Variants in FBXL7 observed in about 807,000 individuals in gnomAD.
FBXL7 encodes the protein F-box/LRR-repeat protein 7.
FBXL7 carries 12 observed loss-of-function variants against 38.3 expected under a neutral mutation model. That is an observed-to-expected ratio of 0.31 (90% CI 0.20 to 0.51). The LOEUF is 0.51. FBXL7 is among the 20% of genes least tolerant of loss of function. The probability of loss-of-function intolerance (pLI) is 0.98; values close to 1 mark genes in which losing one functional copy is unlikely to be tolerated. For missense variants in FBXL7, 567 were observed against 676.4 expected, an observed-to-expected ratio of 0.84 and a Z score of 1.79; for synonymous variants, 297 against 300.9, an observed-to-expected ratio of 0.99 and a Z score of 0.13.
At chr5:15,855,956 TA>T (rs963656504) in intron 2 of FBXL7, among the ~76,000 whole-genome samples, 1 of 152,166 alleles carries the variant, frequency 6.6e-6, no homozygotes, top group African/African-American at 2.4e-5. Context: ...AAGAAAAACT[TA>T]ACAGCTTTTT....
chr5:15,682,362 A>C (rs767151896), intron 2 of FBXL7, among the ~76,000 whole-genome samples: 2 of 152,198 alleles, frequency 1.3e-5, no homozygotes, highest in African/African-American at 2.4e-5. Flanking sequence ...GAGGCTAGGA[A>C]ATGTGGCCTT....
chr5:15,677,430 G>A (rs1431975084), intron 2 of FBXL7, among the ~76,000 whole-genome samples: 4 of 151,464 alleles, frequency 2.6e-5, no homozygotes, highest in Non-Finnish European at 5.9e-5. Flanking sequence ...TCGCACCATT[G>A]CACTCCAGCC....
chr5:15,678,676 T>G (rs918475239), intron 2 of FBXL7, among the ~76,000 whole-genome samples: 3 of 152,208 alleles, frequency 2.0e-5, no homozygotes, highest in African/African-American at 7.2e-5. Flanking sequence ...TCCCCCATAC[T>G]GTTCTCATGG....
At chr5:15,670,190 A>G (rs1265424750) in intron 2 of FBXL7, among the ~76,000 whole-genome samples, 3 of 152,222 alleles carry the variant, frequency 2.0e-5, no homozygotes, top group Non-Finnish European at 4.4e-5. Flanking sequence ...ATCAACTGCA[A>G]CAGAAAAAGT....
rs375065747 is a variant in FBXL7, at chr5:15,505,121, C to T, written c.37+4408C>T. On this transcript the variant is annotated intron_variant, in intron 1 of 3. Coordinates refer to ENST00000504595, the MANE Select transcript of FBXL7 (RefSeq NM_012304.5). Reference sequence around the variant, plus strand: ...CTGAGAGCATAAATCTTCACAAATCCATCGCCACCTCAGGAAACATATCTT... The same window carrying T: ...CTGAGAGCATAAATCTTCACAAATCTATCGCCACCTCAGGAAACATATCTT... 8.5e-5 allele frequency among the ~76,000 whole-genome samples: 13 copies of T among 152,266 alleles called. No individual in the cohort carries two copies. The East Asian group carries it at 1.4e-3, about 16-fold the overall frequency.
At chr5:15,849,740 T>A (rs184726695) in intron 2 of FBXL7, among the ~76,000 whole-genome samples, 2,741 of 152,316 alleles carry the variant, frequency 0.018, 40 homozygotes, top group Middle Eastern at 0.048. Context: ...AAAATGCAAA[T>A]TTTCATGTTT....
chr5:15,928,420 T>C lies in FBXL7; in HGVS notation c.658T>C (p.Ser220Pro). 1 of 1,614,044 alleles carries C rather than the reference T, an allele frequency of 6.2e-7. No homozygotes were observed. Residue 220 changes from serine (S) to proline (P), a missense_variant, in exon 3 of 4, where the codon TCA becomes CCA. Transcript: ENST00000504595. This position sits in a 1 kb window ranked among gnomAD's most constrained non-coding sequence, Gnocchi z 4.0. ...CCPELRRLEV[S>P]GCYNISNEAV... Reference sequence around the variant, plus strand: ...CCCCGAACTGAGGCGACTGGAAGTCTCAGGCTGTTACAATATCTCCAACGA... The same window carrying C: ...CCCCGAACTGAGGCGACTGGAAGTCCCAGGCTGTTACAATATCTCCAACGA...
chr5:15,698,803 G>A (rs1402523479), intron 2 of FBXL7, among the ~76,000 whole-genome samples: 4 of 152,164 alleles, frequency 2.6e-5, no homozygotes, highest in African/African-American at 4.8e-5. Flanking sequence ...TAGCTTAAAT[G>A]ACGCTTAGTT....
intron 2 of FBXL7, among the ~76,000 whole-genome samples, chr5:15,875,542 T>G (rs1740163436): frequency 6.6e-6 from 1 of 151,890 alleles, no homozygotes; most frequent in Admixed American, 6.6e-5. Context: ...ACAAGGAACT[T>G]AAGCAAATTT....
rs187913269 is a variant in FBXL7 at position 15,694,598 on chromosome 5, G to A, written c.127+78526G>A. On this transcript the variant is annotated intron_variant, in intron 2 of 3. Transcript: ENST00000504595. The stretch of plus-strand genomic sequence containing the variant: ...ACAAAACAGATCTTTTCCCAAATAG[G>A]TACAGGCTGCCCTCGAGGAATAGCT... Among the ~76,000 whole-genome samples, 11 of 152,282 alleles carry A rather than the reference G, an allele frequency of 7.2e-5. No individual in the cohort carries two copies. In the East Asian group the frequency reaches 1.5e-3, roughly 21 times the overall value.
chr5:15,554,227 C>T (rs1296577554), intron 1 of FBXL7, among the ~76,000 whole-genome samples: 1 of 152,160 alleles, frequency 6.6e-6, no homozygotes, highest in African/African-American at 2.4e-5. Context: ...GAGGCATATT[C>T]TGTCTCAAGG....
intron 2 of FBXL7, among the ~76,000 whole-genome samples, chr5:15,872,372 C>T (rs547322073): frequency 1.3e-5 from 2 of 152,220 alleles, no homozygotes; most frequent in Non-Finnish European, 2.9e-5. Context: ...ATCAACTAGC[C>T]AGCTAGCATC....
At chr5:15,927,794 G>GAAAGACAGA (rs1554034864) in intron 2 of FBXL7, 96 bp from the exon 3 acceptor site, 2 of 596,846 alleles carry the variant, frequency 3.4e-6, no homozygotes, top group Non-Finnish European at 4.8e-6. Context: ...AAAAGAAGAA[G>GAAAGACAGA]AAAGAAAAGA....
intron 1 of FBXL7, among the ~76,000 whole-genome samples, chr5:15,598,299 A>G (rs1013470939): frequency 9.8e-5 from 15 of 152,288 alleles, no homozygotes; most frequent in African/African-American, 3.6e-4. Flanking sequence ...AAACATTACA[A>G]TCCATCACTC....
intron 2 of FBXL7, among the ~76,000 whole-genome samples, chr5:15,859,256 C>T (rs951771144): frequency 1.3e-5 from 2 of 152,122 alleles, no homozygotes; most frequent in East Asian, 1.9e-4. Flanking sequence ...CTATTCCATC[C>T]TTCCAGTGAC....
rs934152353 is a variant in FBXL7, at chr5:15,599,079, C to T, written c.38-16904C>T. The stretch of plus-strand genomic sequence containing the variant: ...GTGCTCAGAGATGCCTACTGGTGGA[C>T]GTGATCACTTTTACTCCTGTTAAAT... On this transcript the variant is annotated intron_variant, in intron 1 of 3. Transcript: ENST00000504595. 4.6e-5 allele frequency among the ~76,000 whole-genome samples: 7 copies of T among 152,118 alleles called. No individual in the cohort carries two copies. The East Asian group carries it at 5.8e-4, about 13-fold the overall frequency.
In FBXL7 at chr5:15,665,809, A is replaced by G. The variant is rs540982553; in HGVS notation, c.127+49737A>G. Among the ~76,000 whole-genome samples, 4 of 152,296 alleles carry G rather than the reference A, an allele frequency of 2.6e-5. No individual in the cohort carries two copies. The East Asian group carries it at 7.7e-4, about 29-fold the overall frequency. On this transcript the variant is annotated intron_variant, in intron 2 of 3. Coordinates refer to ENST00000504595, the MANE Select transcript of FBXL7 (RefSeq NM_012304.5). ...CTGCCAAGTCATTTTTACATATTCC[A>G]TCATTGCTAAGCCATTTGTTCCCAA...
chr5:15,846,744 G>C (rs2126789157), intron 2 of FBXL7, among the ~76,000 whole-genome samples: 1 of 152,220 alleles, frequency 6.6e-6, no homozygotes, highest in Non-Finnish European at 1.5e-5. Flanking sequence ...AGAGAAGAGA[G>C]AATAGTTGTA....
At chr5:15,665,780 G>A (rs1210111933) in intron 2 of FBXL7, among the ~76,000 whole-genome samples, 3 of 152,154 alleles carry the variant, frequency 2.0e-5, no homozygotes, top group South Asian at 4.1e-4. Flanking sequence ...TGCGCTCAAA[G>A]TATCTGCCAA....
Sources: gnomAD v4.1 joint callset for allele counts (sites outside exome capture counted in the v4.1 genomes callset) on GRCh38, gnomAD v4.1.1 for gene constraint, Gnocchi (gnomAD v3.1) non-coding constraint, MANE v1.5 for transcripts, NCBI Gene and HGNC (gene_info 2026-07-23, HGNC 2026-07-21) for gene names.